The following ALDH3B1 variants were observed in gnomAD, a reference collection of about 807,000 sequenced individuals.
ALDH3B1 encodes aldehyde dehydrogenase family 3 member B1.
A neutral mutation model predicts 46.2 loss-of-function variants in ALDH3B1; 37 were observed. That is an observed-to-expected ratio of 0.80 (90% confidence interval 0.62 to 1.05). The LOEUF (loss-of-function observed/expected upper bound fraction) is 1.05, where lower values mean the gene tolerates loss of function less well. Ranked by LOEUF, ALDH3B1 falls within the 50% of genes least tolerant of loss-of-function variation. The pLI, the probability that ALDH3B1 is intolerant of heterozygous loss-of-function variation, is 0.00. For synonymous variants in ALDH3B1, 283 were observed against 281.0 expected, an observed-to-expected ratio of 1.01 and a Z score of -0.07; for missense variants, 603 against 665.5, an observed-to-expected ratio of 0.91 and a Z score of 1.03.
At chr11:68,023,406 C>T (rs562691926) in intron 8 of ALDH3B1, among the ~76,000 whole-genome samples, 3 of 151,472 alleles carry the variant, frequency 2.0e-5, no homozygotes, top group East Asian at 3.9e-4. Flanking sequence ...CGGGTTCAAG[C>T]GATTCTCCTG....
rs771829047 is a variant in ALDH3B1, at chr11:68,019,752, CG to C, written c.522del (p.Gln175SerfsTer3). 4 of 1,614,114 alleles carry C rather than the reference CG, an allele frequency of 2.5e-6. No homozygotes were observed. In the South Asian group the frequency reaches 3.3e-5, roughly 13 times the overall value. On this transcript the variant is annotated frameshift_variant, in exon 6 of 10. Coordinates refer to ENST00000342456, the MANE Select transcript of ALDH3B1 (RefSeq NM_000694.4). LOFTEE classifies it high-confidence loss of function. ...GTGGTGCTGGGCGGGCCCCAGGAGA[CG>C]GGGCAGCTGCTAGAGCACAGGTTCG... ...FAVVLGGPQE[T>X]GQLLEHRFDY...
chr11:68,028,137 A>G lies in ALDH3B1; in HGVS notation c.*198A>G, dbSNP rs536699902. Reference sequence around the variant, plus strand: ...CCTCCTCCCTCAGCCGCTCCCAACCATGAGAGCCGAGGTGGGAGGCATGGG... The same window carrying G: ...CCTCCTCCCTCAGCCGCTCCCAACCGTGAGAGCCGAGGTGGGAGGCATGGG... On this transcript the variant is annotated 3_prime_UTR_variant, in exon 10 of 10. Transcript: ENST00000342456. The G allele has an allele frequency of 6.3e-6, 5 of 793,740 alleles. No individual in the cohort carries two copies. Among genetic ancestry groups the G allele is most frequent in the Middle Eastern group, 2.3e-4 (1 of 4,404 alleles). 49.2% of individuals were successfully genotyped at this position (793,740 alleles called of 1,614,324 possible). A position where few individuals can be genotyped will look rare whatever the true frequency, so the allele number is the denominator to read the frequency against.
chr11:68,021,074 G>A (rs574042213), intron 6 of ALDH3B1, among the ~76,000 whole-genome samples: 23 of 152,336 alleles, frequency 1.5e-4, no homozygotes, highest in Non-Finnish European at 2.4e-4. Flanking sequence ...CCTGAATGCC[G>A]TAGACAGAGC....
chr11:68,027,358 G>A (rs775818483), intron 9 of ALDH3B1, among the ~76,000 whole-genome samples: 6 of 152,140 alleles, frequency 3.9e-5, no homozygotes, highest in Non-Finnish European at 5.9e-5. Context: ...CACCTACTGG[G>A]TCCAGGGGTC....
chr11:68,011,280 C>A (rs762929776), intron 1 of ALDH3B1, among the ~76,000 whole-genome samples: 12 of 152,170 alleles, frequency 7.9e-5, no homozygotes, highest in Non-Finnish European at 1.0e-4. Context: ...AACACCAAAC[C>A]GCCTAATACC....
At chr11:68,023,255 G>A (rs1230613267) in intron 8 of ALDH3B1, among the ~76,000 whole-genome samples, 2 of 122,796 alleles carry the variant, frequency 1.6e-5, no homozygotes, top group East Asian at 5.2e-4. Context: ...TACCCACCCC[G>A]CCCCCTTCCC....
Position 68,027,983 on chromosome 11 carries a change from G to A in ALDH3B1, c.*44G>A, listed in dbSNP as rs757480205. Reference sequence around the variant, plus strand: ...GCTGTAGACCACCATGACAGCTGTCGCCTGCGGCTGGTGGAGACGGGGCCT... The same window carrying A: ...GCTGTAGACCACCATGACAGCTGTCACCTGCGGCTGGTGGAGACGGGGCCT... On this transcript the variant is annotated 3_prime_UTR_variant, in exon 10 of 10. Coordinates refer to ENST00000342456, the MANE Select transcript of ALDH3B1 (RefSeq NM_000694.4). 50 of 1,560,268 alleles carry A rather than the reference G, an allele frequency of 3.2e-5. No homozygotes were observed. Among genetic ancestry groups the A allele is most frequent in the East Asian group, 7.1e-5 (3 of 42,478 alleles).
intron 8 of ALDH3B1, among the ~76,000 whole-genome samples, chr11:68,023,216 A>T (rs1857546510): frequency 6.6e-6 from 1 of 152,094 alleles, no homozygotes; most frequent in Non-Finnish European, 1.5e-5. Context: ...TCCTCAGATT[A>T]AAAAACACCA....
At chr11:68,014,570 C>T (rs1002661363) in intron 1 of ALDH3B1, among the ~76,000 whole-genome samples, 4 of 152,176 alleles carry the variant, frequency 2.6e-5, no homozygotes, top group Non-Finnish European at 4.4e-5. Flanking sequence ...CCCTCTCCCC[C>T]GCCCTGATCC....
At chr11:68,024,006 T>A (rs1857566828) in intron 8 of ALDH3B1, among the ~76,000 whole-genome samples, 1 of 151,782 alleles carries the variant, frequency 6.6e-6, no homozygotes, top group African/African-American at 2.4e-5. Context: ...TGCTTTACTA[T>A]TAACTACACT....
chr11:68,015,495 G>A, intron 2 of ALDH3B1, 36 bp downstream of exon 2: 1 of 1,560,288 alleles, frequency 6.4e-7, no homozygotes, highest in South Asian at 1.2e-5. Flanking sequence ...GGGTGCACTG[G>A]GGCAGGGGGG....
chr11:68,022,932 C>T (rs1174253576), intron 8 of ALDH3B1, among the ~76,000 whole-genome samples, 171 bp downstream of exon 8: 1 of 152,224 alleles, frequency 6.6e-6, no homozygotes, highest in African/African-American at 2.4e-5. Flanking sequence ...CCACCCCAAC[C>T]CTGTCCCCAG....
Position 68,026,040 on chromosome 11 carries a change from G to C in ALDH3B1, c.1148G>C (p.Ser383Thr). 6.2e-7 allele frequency: 1 copy of C among 1,609,120 alleles called. No homozygotes were observed. Among genetic ancestry groups the C allele is most frequent in the Non-Finnish European group, 8.5e-7 (1 of 1,177,792 alleles). ...VVKRVLTQTSSGGFCGNDGFM... is the reference protein window; with the variant it reads ...VVKRVLTQTSTGGFCGNDGFM... ...AAGCGGGTGCTGACCCAGACCAGCA[G>C]CGGGGGCTTCTGTGGGAACGACGGC... The change falls in exon 9 of 10, where the codon AGC (serine) becomes ACC (threonine). Residue 383 changes from serine to threonine, a missense_variant. By Grantham distance (58) the Ser-to-Thr change is moderately conservative (BLOSUM62 1). Transcript: ENST00000342456.
At chr11:68,014,432 GGCCGAGGAACGAGTGCGTCAGAGT>G (rs937758566) in intron 1 of ALDH3B1, among the ~76,000 whole-genome samples, 1 of 152,252 alleles carries the variant, frequency 6.6e-6, no homozygotes, top group Non-Finnish European at 1.5e-5. Context: ...CTTGGCACCA[GGCCGAGGAACGAGTGCGTCAGAGT>G]GCTCCTCCGA....
At chr11:68,019,897 C>CCTCT (rs4646811) in intron 6 of ALDH3B1, 101 bp downstream of exon 6, 7 of 1,192,024 alleles carry the variant, frequency 5.9e-6, no homozygotes, top group African/African-American at 1.5e-5. Context: ...ACTGAATTCT[C>CCTCT]CTCTCTCTCT....
intron 2 of ALDH3B1, 29 bp from the exon 3 acceptor site, chr11:68,018,498 C>G: frequency 3.3e-6 from 5 of 1,493,992 alleles, no homozygotes; most frequent in Non-Finnish European, 4.6e-6. Flanking sequence ...GGAATCCTGG[C>G]CCACCCTGAC....
chr11:68,021,926 G>T (rs1857511093), intron 7 of ALDH3B1, 55 bp downstream of exon 7: 2 of 1,540,900 alleles, frequency 1.3e-6, no homozygotes, highest in Non-Finnish European at 1.7e-6. Flanking sequence ...CTCCTCACTG[G>T]AGGGCCCAAG....
chr11:68,019,219 G>T lies in ALDH3B1; in HGVS notation c.444G>T (p.Lys148Asn). ...CGGAGATTAGCAAGAACGTCGAGAAGATCCTGGCCGAGGTGCTGCCCCAAT... is the reference window on the plus strand; with the variant it reads ...CGGAGATTAGCAAGAACGTCGAGAATATCCTGGCCGAGGTGCTGCCCCAAT... ...KPSEISKNVE[K>N]ILAEVLPQYV... The change falls in exon 5 of 10, where the codon AAG becomes AAT. Residue 148 changes from lysine to asparagine, a missense_variant. Lys to Asn is a moderately conservative substitution (Grantham distance 94). Transcript: ENST00000342456. 3 of 1,613,550 alleles carry T rather than the reference G, an allele frequency of 1.9e-6. No homozygotes were observed. Among genetic ancestry groups the T allele is most frequent in the Non-Finnish European group, 2.5e-6 (3 of 1,179,756 alleles).
At chr11:68,011,237 A>C (rs1027944722) in intron 1 of ALDH3B1, among the ~76,000 whole-genome samples, 1 of 152,250 alleles carries the variant, frequency 6.6e-6, no homozygotes, top group Non-Finnish European at 1.5e-5. Flanking sequence ...CAGGGGGTTC[A>C]TAAGGCAGAA....
Sources: gnomAD v4.1 joint callset for allele counts (sites outside exome capture counted in the v4.1 genomes callset) on GRCh38, gnomAD v4.1.1 for gene constraint, MANE v1.5 for transcripts, NCBI Gene and HGNC (gene_info 2026-07-23, HGNC 2026-07-21) for gene names.